ADGRB1: variants seen among roughly 807,000 people sequenced by gnomAD.
ADGRB1 encodes the protein brain-specific angiogenesis inhibitor 1.
ADGRB1 carries 36 observed loss-of-function variants against 175.7 expected under a neutral mutation model. The ratio of observed to expected loss-of-function variants is 0.20; its 90% confidence interval spans 0.16 to 0.27. The LOEUF (loss-of-function observed/expected upper bound fraction) is 0.27. ADGRB1 is among the 10% of genes least tolerant of loss of function. The pLI is 1.00. For missense variants in ADGRB1, 1,731 were observed against 2,255.3 expected (o/e 0.77, Z 4.71); for synonymous variants, 1,054 against 979.4 (o/e 1.08, Z -1.42).
chr8:142,455,914 G>A lies in ADGRB1; in HGVS notation c.-220+5810G>A, dbSNP rs879714800. Among the ~76,000 whole-genome samples, 2 of 152,136 alleles carry A rather than the reference G, an allele frequency of 1.3e-5. No homozygotes were observed. Among genetic ancestry groups the A allele is most frequent in the Non-Finnish European group, 2.9e-5 (2 of 68,026 alleles). ...TTGGCATCTCTGTGACAGGAGGGTGGGTGGCCCTACCTGCCTGTCCCGGAG... is the reference window on the plus strand; with the variant it reads ...TTGGCATCTCTGTGACAGGAGGGTGAGTGGCCCTACCTGCCTGTCCCGGAG... On this transcript the variant is annotated intron_variant, in intron 1 of 30. Coordinates refer to ENST00000517894, the MANE Select transcript of ADGRB1 (RefSeq NM_001702.3). The surrounding 1 kb of genome is among the most constrained non-coding windows in gnomAD (Gnocchi z 4.9).
chr8:142,494,885 G>T (rs920634642), intron 17 of ADGRB1, among the ~76,000 whole-genome samples: 3 of 152,040 alleles, frequency 2.0e-5, no homozygotes, highest in Non-Finnish European at 2.9e-5. Context: ...CAAAGCGGGG[G>T]GTGGGGGTTG....
intron 17 of ADGRB1, among the ~76,000 whole-genome samples, chr8:142,497,271 G>C (rs1306338682): frequency 6.6e-6 from 1 of 152,158 alleles, no homozygotes; most frequent in African/African-American, 2.4e-5. Flanking sequence ...CCAGACCCTG[G>C]TCCCTCCCTG....
chr8:142,488,823 C>T (rs918810368), intron 14 of ADGRB1, among the ~76,000 whole-genome samples: 1 of 152,202 alleles, frequency 6.6e-6, no homozygotes, highest in East Asian at 1.9e-4. Flanking sequence ...GGGAATGGCC[C>T]GGTCTCCCTC....
In ADGRB1 at chr8:142,518,075, C is replaced by A. The variant is rs538881682; in HGVS notation, c.2818-63C>A. 2.6e-6 allele frequency: 4 copies of A among 1,528,708 alleles called. No homozygotes were observed. In the East Asian group the frequency reaches 6.8e-5, roughly 26 times the overall value. 94.7% of individuals were successfully genotyped at this position (1,528,708 alleles called of 1,614,324 possible). A position where few individuals can be genotyped will look rare whatever the true frequency, so the allele number is the denominator to read the frequency against. ...CTGCGGGCTCTCGGGTCTCAGTCTT[C>A]GGGTCTGCCGAGTGGGCGAGTGGGG... On this transcript the variant is annotated intron_variant, in intron 18 of 30. Coordinates refer to ENST00000517894, the MANE Select transcript of ADGRB1 (RefSeq NM_001702.3).
intron 18 of ADGRB1, among the ~76,000 whole-genome samples, chr8:142,512,894 G>C (rs1009390249): frequency 1.6e-4 from 24 of 152,134 alleles, no homozygotes; most frequent in African/African-American, 5.8e-4. Context: ...ATGCTGAGGG[G>C]CCTTTCCAGG....
At chr8:142,482,987 G>T (rs1220642576) in intron 11 of ADGRB1, among the ~76,000 whole-genome samples, 1 of 148,108 alleles carries the variant, frequency 6.8e-6, no homozygotes, top group East Asian at 2.1e-4. Context: ...CCAGATCCTG[G>T]TCACACACTG....
intron 24 of ADGRB1, among the ~76,000 whole-genome samples, chr8:142,532,984 G>T (rs982493803): frequency 2.6e-5 from 4 of 152,118 alleles, no homozygotes; most frequent in Non-Finnish European, 5.9e-5. Flanking sequence ...TGGGGAGGGG[G>T]TGCTGGGACC....
chr8:142,457,194 C>T (rs564968718), intron 1 of ADGRB1, among the ~76,000 whole-genome samples: 5 of 152,298 alleles, frequency 3.3e-5, no homozygotes, highest in African/African-American at 9.6e-5. Flanking sequence ...TGAGGGGTAA[C>T]ACAGCTCCTA....
Position 142,524,156 on chromosome 8 carries a change from C to T in ADGRB1, c.3246-82C>T, listed in dbSNP as rs1844032518. On this transcript the variant is annotated intron_variant, in intron 22 of 30. Coordinates refer to ENST00000517894, the MANE Select transcript of ADGRB1 (RefSeq NM_001702.3). ...TTTTCTTCTGCCACTTCCCAGCTCACCCCTACTCCTGAGAGGCCGGCAGCA... is the reference window on the plus strand; with the variant it reads ...TTTTCTTCTGCCACTTCCCAGCTCATCCCTACTCCTGAGAGGCCGGCAGCA... The T allele has an allele frequency of 2.1e-6, 3 of 1,459,902 alleles. 1 individual carries two copies. Among genetic ancestry groups the T allele is most frequent in the South Asian group, 2.4e-5 (2 of 82,572 alleles). 90.4% of individuals were successfully genotyped at this position (1,459,902 alleles called of 1,614,324 possible).
At chr8:142,460,926 AG>A (rs36055349) in intron 1 of ADGRB1, among the ~76,000 whole-genome samples, 9,610 of 152,280 alleles carry the variant, frequency 0.063, 839 homozygotes, top group African/African-American at 0.19. Context: ...CGGTTCTGAT[AG>A]GGGCACTGGC....
chr8:142,530,774 G>GT (rs1844577307), intron 24 of ADGRB1, among the ~76,000 whole-genome samples: 2 of 152,170 alleles, frequency 1.3e-5, no homozygotes, highest in Admixed American at 1.3e-4. Flanking sequence ...GGGGCCAGAA[G>GT]GATGTTCCCT....
chr8:142,492,726 T>C lies in ADGRB1; in HGVS notation c.2675+1911T>C, dbSNP rs145917614. On this transcript the variant is annotated intron_variant, in intron 17 of 30. Transcript: ENST00000517894. The surrounding 1 kb of genome is among the most constrained non-coding windows in gnomAD (Gnocchi z 4.4). ...TGCCCTGCAGCCCTGGGGAGCCAGC[T>C]CTCTAGCTCTCGTAAGGGTGGAAAA... Among the ~76,000 whole-genome samples the C allele has an allele frequency of 2.0e-3, 310 of 152,188 alleles. 2 individuals are homozygous for C. Among genetic ancestry groups the C allele is most frequent in the African/African-American group, 7.1e-3 (296 of 41,522 alleles).
intron 1 of ADGRB1, among the ~76,000 whole-genome samples, chr8:142,456,107 G>A (rs1427244005): frequency 2.0e-5 from 3 of 152,076 alleles, no homozygotes; most frequent in Non-Finnish European, 4.4e-5. Context: ...ATTCAGGGAG[G>A]AGGAGAAGGG....
intron 17 of ADGRB1, among the ~76,000 whole-genome samples, chr8:142,506,869 C>A (rs1247416229): frequency 2.0e-5 from 3 of 152,236 alleles, no homozygotes; most frequent in Non-Finnish European, 4.4e-5. Context: ...TCTAGTGCAG[C>A]AAGGGAGGCT....
chr8:142,511,688 G>T lies in ADGRB1; in HGVS notation c.2817+615G>T, dbSNP rs1394292144. On this transcript the variant is annotated intron_variant, in intron 18 of 30. Transcript: ENST00000517894. The surrounding 1 kb of genome is among the most constrained non-coding windows in gnomAD (Gnocchi z 4.5). ...ATGGAGACGGCATCTGGGGTCAGCC[G>T]CTGGCAGGGGCCCTGGGTGCTGGGC... Among the ~76,000 whole-genome samples the T allele has an allele frequency of 6.6e-6, 1 of 152,132 alleles. No homozygotes were observed. Among genetic ancestry groups the T allele is most frequent in the Non-Finnish European group, 1.5e-5 (1 of 68,012 alleles).
intron 2 of ADGRB1, among the ~76,000 whole-genome samples, chr8:142,470,770 G>A (rs752142688): frequency 2.0e-5 from 3 of 152,188 alleles, no homozygotes; most frequent in Non-Finnish European, 2.9e-5. Flanking sequence ...GACCGGCCAC[G>A]GAGATGGGGT....
In ADGRB1 at chr8:142,464,083, C is replaced by A. The variant is rs2131673850; in HGVS notation, c.-116C>A. 1 of 731,130 alleles carries A rather than the reference C, an allele frequency of 1.4e-6. No homozygotes were observed. The highest frequency in any genetic ancestry group is 1.8e-6 in the Non-Finnish European group (1 of 557,284). 45.3% of individuals were successfully genotyped at this position (731,130 alleles called of 1,614,324 possible). A position where few individuals can be genotyped will look rare whatever the true frequency, so the allele number is the denominator to read the frequency against. On this transcript the variant is annotated 5_prime_UTR_variant, in exon 2 of 31. Transcript: ENST00000517894. The stretch of plus-strand genomic sequence containing the variant: ...GGGCCCTCTCCCATCCCACCCTTGC[C>A]CCGCCTCCCTGCCCCCACCGGGCCG...
rs371965069 is a variant in ADGRB1, at chr8:142,465,624, C to T, written c.784+642C>T. On this transcript the variant is annotated intron_variant, in intron 2 of 30. Transcript: ENST00000517894. ...CCAGAGCCCTGCTCTCAGGCAGCTG[C>T]GTAAGGGAGAGAGGAAGGCCCTAAG... is the stretch of plus-strand genomic sequence containing the variant. Among the ~76,000 whole-genome samples the T allele has an allele frequency of 1.7e-3, 261 of 152,096 alleles. 1 individual carries two copies. The highest frequency in any genetic ancestry group is 5.4e-3 in the African/African-American group (224 of 41,482).
intron 1 of ADGRB1, among the ~76,000 whole-genome samples, chr8:142,457,813 A>G (rs930098336): frequency 6.6e-6 from 1 of 152,094 alleles, no homozygotes; most frequent in African/African-American, 2.4e-5. Flanking sequence ...TGAACCCCTG[A>G]GACACGCAAA....
Sources: allele counts gnomAD v4.1 joint callset (sites outside exome capture counted in the v4.1 genomes callset), GRCh38; gene constraint gnomAD v4.1.1; non-coding constraint Gnocchi (gnomAD v3.1); transcripts MANE v1.5; gene names NCBI Gene and HGNC (gene_info 2026-07-23, HGNC 2026-07-21).